Variants in HS1BP3 observed in about 807,000 individuals in gnomAD.
HS1BP3 encodes HCLS1 binding protein 3.
Under a neutral mutation model 33.5 loss-of-function variants are expected in HS1BP3, and 32 were observed. The observed-to-expected ratio is 0.95, with a 90% CI of 0.72 to 1.28. HS1BP3 has a LOEUF of 1.28. HS1BP3 is among the 50% of genes most tolerant of loss of function. The pLI is 0.00. For missense variants in HS1BP3, 486 were observed against 502.3 expected, an observed-to-expected ratio of 0.97 and a Z score of 0.31; for synonymous variants, 187 against 209.2, an observed-to-expected ratio of 0.89 and a Z score of 0.92.
intron 5 of HS1BP3, among the ~76,000 whole-genome samples, chr2:20,582,497 G>T (rs1166897149): frequency 6.6e-6 from 1 of 152,138 alleles, no homozygotes; most frequent in Non-Finnish European, 1.5e-5. Flanking sequence ...CCCTGCAGAT[G>T]TCTGGTGTGG....
At chr2:20,565,962 A>G (rs1284911585) in intron 5 of HS1BP3, among the ~76,000 whole-genome samples, 5 of 152,226 alleles carry the variant, frequency 3.3e-5, no homozygotes, top group Non-Finnish European at 4.4e-5. Context: ...GCTAGCTACC[A>G]CATACGCATT....
intron 1 of HS1BP3, among the ~76,000 whole-genome samples, chr2:20,646,138 T>A (rs1448505373): frequency 6.6e-6 from 1 of 152,254 alleles, no homozygotes; most frequent in African/African-American, 2.4e-5. Context: ...TATAATGAAT[T>A]GTATGATGAG....
rs539176162 is a variant in HS1BP3 at position 20,622,782 on chromosome 2, A to G, written c.920+1114T>C. The G allele has an allele frequency of 7.1e-5, 12 of 169,518 alleles. No homozygotes were observed. The South Asian group carries it at 1.6e-3, about 23-fold the overall frequency. The allele number at this position is 169,518 out of a possible 1,614,324, so 10.5% of individuals were successfully genotyped here. ...GCCTCGGTTTCCCTCTAATAAAATAACAATCCTGGTTTCTTCCAGCCCGCT... is the reference window on the plus strand; with the variant it reads ...GCCTCGGTTTCCCTCTAATAAAATAGCAATCCTGGTTTCTTCCAGCCCGCT... On this transcript the variant is annotated intron_variant, in intron 6 of 6. Transcript: ENST00000304031.
downstream of HS1BP3, among the ~76,000 whole-genome samples, chr2:20,614,658 C>T (rs17662465): frequency 0.24 from 36,090 of 152,222 alleles, 5,087 homozygotes; most frequent in Non-Finnish European, 0.32. Context: ...TGTGGGAAAA[C>T]AAACGACATG....
intron 2 of HS1BP3, among the ~76,000 whole-genome samples, chr2:20,601,818 G>C (rs1358479504): frequency 9.6e-6 from 1 of 104,186 alleles, no homozygotes; most frequent in African/African-American, 3.6e-5. Flanking sequence ...TTGCTCTGTT[G>C]CCCAGGCTGG....
chr2:20,609,453 T>C (rs1179512486), intron 2 of HS1BP3, among the ~76,000 whole-genome samples: 4 of 150 alleles, frequency 0.027, no homozygotes, highest in African/African-American at 0.091. Flanking sequence ...CTGTTGTAGC[T>C]CAGCTCTTGG....
Position 20,611,882 on chromosome 2 carries a change from C to A in HS1BP3, c.178+12014G>T, listed in dbSNP as rs1252377155. Among the ~76,000 whole-genome samples, 2 of 152,216 alleles carry A rather than the reference C, an allele frequency of 1.3e-5. No individual in the cohort carries two copies. The highest frequency in any genetic ancestry group is 4.8e-5 in the African/African-American group (2 of 41,454). On this transcript the variant is annotated intron_variant, in intron 2 of 3. Coordinates refer to the HS1BP3 transcript ENST00000415264. This position sits in a 1 kb window ranked among gnomAD's most constrained non-coding sequence, Gnocchi z 4.9. ...GTGGCACAGCCTCCTCCCGCACCTA[C>A]AACCACCCTCCATGGAGAGCAAGCC...
chr2:20,592,338 G>A (rs187189756), downstream of HS1BP3: 16 of 60,170 alleles, frequency 2.7e-4, no homozygotes, highest in African/African-American at 7.6e-4. Flanking sequence ...CCCCCGCCCC[G>A]CCCCGCCCAT....
chr2:20,629,458 T>G (rs1284203784), intron 4 of HS1BP3, among the ~76,000 whole-genome samples: 1 of 152,190 alleles, frequency 6.6e-6, no homozygotes. Context: ...CTCTTCTCCC[T>G]TCATTGGAAG....
chr2:20,648,617 C>T (rs1168731784), intron 1 of HS1BP3, among the ~76,000 whole-genome samples: 2 of 152,170 alleles, frequency 1.3e-5, no homozygotes, highest in African/African-American at 2.4e-5. Context: ...CCAGAGCACC[C>T]TCCTTCTTCC....
downstream of HS1BP3, among the ~76,000 whole-genome samples, chr2:20,559,662 G>GAATGGATGGGTA (rs1692937667): frequency 8.0e-5 from 12 of 149,670 alleles, no homozygotes; most frequent in Admixed American, 5.4e-4. Flanking sequence ...ATGGGTGCAT[G>GAATGGATGGGTA]GATGGATGGG....
At chr2:20,644,656 C>G (rs1572364427) in intron 2 of HS1BP3, among the ~76,000 whole-genome samples, 1 of 152,342 alleles carries the variant, frequency 6.6e-6, no homozygotes, top group East Asian at 1.9e-4. Flanking sequence ...CTGCTCCAAG[C>G]CCTTGATTTG....
At chr2:20,569,116 C>T (rs1327863498) in intron 5 of HS1BP3, among the ~76,000 whole-genome samples, 1 of 152,070 alleles carries the variant, frequency 6.6e-6, no homozygotes, top group African/African-American at 2.4e-5. Context: ...CCTGCCTGGG[C>T]CTTGTTCCCG....
intron 2 of HS1BP3, among the ~76,000 whole-genome samples, chr2:20,644,170 C>T (rs1695447701): frequency 6.6e-6 from 1 of 152,118 alleles, no homozygotes; most frequent in African/African-American, 2.4e-5. Flanking sequence ...CACAAGAGGC[C>T]AAATGGTAAA....
intron 6 of HS1BP3, among the ~76,000 whole-genome samples, chr2:20,620,904 T>G (rs1048211579): frequency 6.6e-6 from 1 of 152,154 alleles, no homozygotes; most frequent in Non-Finnish European, 1.5e-5. Context: ...GCCACATAAT[T>G]GCAAAGGCCT....
chr2:20,558,642 C>A (rs1349372916), downstream of HS1BP3, among the ~76,000 whole-genome samples: 3 of 151,470 alleles, frequency 2.0e-5, no homozygotes, highest in Non-Finnish European at 1.5e-5. Context: ...GAGGCAAACC[C>A]ACATGGACAG....
At chr2:20,609,930 C>A (rs1529896) in intron 2 of HS1BP3, among the ~76,000 whole-genome samples, 1 of 152,012 alleles carries the variant, frequency 6.6e-6, no homozygotes, top group African/African-American at 2.4e-5. Context: ...CCCAGGTACC[C>A]TGGGGACTGT....
At chr2:20,602,709 A>G (rs1322891949) in intron 2 of HS1BP3, among the ~76,000 whole-genome samples, 1 of 152,252 alleles carries the variant, frequency 6.6e-6, no homozygotes, top group Non-Finnish European at 1.5e-5. Flanking sequence ...GCACAAGCCC[A>G]TGAGGAAAAA....
intron 6 of HS1BP3, 166 bp downstream of exon 6, chr2:20,623,730 C>T (rs902824403): frequency 2.7e-5 from 20 of 734,288 alleles, no homozygotes; most frequent in Non-Finnish European, 3.9e-5. Context: ...CCTCAGCCCC[C>T]TTCACCGCCT....
Sources: allele counts gnomAD v4.1 joint callset (sites outside exome capture counted in the v4.1 genomes callset), GRCh38; gene constraint gnomAD v4.1.1; non-coding constraint Gnocchi (gnomAD v3.1); transcripts MANE v1.5; gene names NCBI Gene and HGNC (gene_info 2026-07-23, HGNC 2026-07-21).